DOCK1: variants seen among roughly 807,000 people sequenced by gnomAD.
The protein encoded by DOCK1 is dedicator of cytokinesis 1.
DOCK1 carries 138 observed loss-of-function variants against 262.7 expected under a neutral mutation model. That is an observed-to-expected ratio of 0.53 (90% CI 0.46 to 0.61). The LOEUF (loss-of-function observed/expected upper bound fraction) is 0.61. Among genes scored for constraint, DOCK1 ranks in the 20% least tolerant of loss-of-function variants. The probability of loss-of-function intolerance (pLI) is 0.00; values close to 1 mark genes in which losing one functional copy is unlikely to be tolerated. For missense variants in DOCK1, 1,908 were observed against 2,370.7 expected (o/e 0.80, Z 4.05); for synonymous variants, 866 against 867.4 (o/e 1.00, Z 0.03).
chr10:126,906,715 T>G (rs1363867613), intron 1 of DOCK1, among the ~76,000 whole-genome samples: 1 of 152,208 alleles, frequency 6.6e-6, no homozygotes, highest in Admixed American at 6.5e-5. Context: ...GTTCGAATCC[T>G]GGCTCTCTGA....
intron 23 of DOCK1, 26 bp downstream of exon 23, chr10:127,061,802 G>C: frequency 6.5e-7 from 1 of 1,529,712 alleles, no homozygotes; most frequent in East Asian, 2.4e-5. Context: ...TGCCAAGGCA[G>C]ACTTCTCCTT....
intron 27 of DOCK1, among the ~76,000 whole-genome samples, chr10:127,202,394 G>A (rs1021326526): frequency 3.9e-5 from 6 of 151,950 alleles, no homozygotes; most frequent in African/African-American, 1.2e-4. Context: ...ACCCACCAGC[G>A]CTGTGTGCTG....
chr10:127,016,492 G>C (rs12412943), intron 12 of DOCK1: 1 of 152,076 alleles, frequency 6.6e-6, no homozygotes, highest in African/African-American at 2.4e-5. Context: ...CACCGCTGTC[G>C]GTTACCTCCC....
chr10:127,312,243 C>T (rs2062089324), intron 29 of DOCK1, among the ~76,000 whole-genome samples: 2 of 152,256 alleles, frequency 1.3e-5, no homozygotes, highest in South Asian at 4.1e-4. Flanking sequence ...GTATCCCAGC[C>T]AGCACTCTTG....
At chr10:127,363,762 G>A (rs1451326931) in intron 33 of DOCK1, among the ~76,000 whole-genome samples, 3 of 152,168 alleles carry the variant, frequency 2.0e-5, no homozygotes, top group Non-Finnish European at 4.4e-5. Context: ...GAATGATTTT[G>A]CTGTTTCCTA....
At chr10:127,059,729 T>C (rs1031926258) in intron 22 of DOCK1, among the ~76,000 whole-genome samples, 11 of 152,202 alleles carry the variant, frequency 7.2e-5, no homozygotes, top group Non-Finnish European at 1.2e-4. Flanking sequence ...TTCTCAAATA[T>C]GATTATAGTT....
intron 26 of DOCK1, among the ~76,000 whole-genome samples, chr10:127,125,916 C>CA (rs1418528346): frequency 1.3e-5 from 2 of 152,004 alleles, no homozygotes; most frequent in African/African-American, 2.4e-5. Context: ...TAATTATCTG[C>CA]ATTCTTTCTT....
chr10:127,386,948 C>T (rs946102857), intron 38 of DOCK1, among the ~76,000 whole-genome samples: 7 of 152,198 alleles, frequency 4.6e-5, no homozygotes, highest in Non-Finnish European at 8.8e-5. Flanking sequence ...TGTTTCTCAG[C>T]AAACTGGTAA....
intron 11 of DOCK1, among the ~76,000 whole-genome samples, chr10:127,009,005 C>G (rs2041234371): frequency 6.6e-6 from 1 of 152,088 alleles, no homozygotes; most frequent in Non-Finnish European, 1.5e-5. Flanking sequence ...GTTTATGGTC[C>G]TGGAAGTAGG....
chr10:127,006,255 CCTCCTGCCTTCTGCT>C (rs2041011715), intron 10 of DOCK1, among the ~76,000 whole-genome samples: 1 of 152,228 alleles, frequency 6.6e-6, no homozygotes, highest in African/African-American at 2.4e-5. Context: ...ACGTTTCTCA[CCTCCTGCCTTCTGCT>C]CTCCTGCCTG....
At chr10:127,053,255 G>T (rs552113844) in intron 22 of DOCK1, among the ~76,000 whole-genome samples, 5 of 152,214 alleles carry the variant, frequency 3.3e-5, no homozygotes, top group East Asian at 1.9e-4. Context: ...GGCAGGAGAA[G>T]GGCGTGAACC....
In DOCK1 at chr10:127,282,248, T is replaced by TTC. The variant is rs146601755; in HGVS notation, c.3044+24837_3044+24838dup. ...CTCTCTCTCTCTCTGTCTGTCTCTTTTCTCTCTCTCTCTCTCTCTGTCTCT... is the reference window on the plus strand; with the variant it reads ...CTCTCTCTCTCTCTGTCTGTCTCTTTTCTCTCTCTCTCTCTCTCTCTGTCTCT... On this transcript the variant is annotated intron_variant, in intron 29 of 51. Coordinates refer to ENST00000623213, the MANE Select transcript of DOCK1 (RefSeq NM_001290223.2). 4.8e-4 allele frequency among the ~76,000 whole-genome samples: 71 copies of TTC among 149,298 alleles called. 1 individual carries two copies. The highest frequency in any genetic ancestry group is 3.5e-3 in the Middle Eastern group (1 of 284).
intron 27 of DOCK1, among the ~76,000 whole-genome samples, chr10:127,131,273 C>T (rs1373672269): frequency 6.6e-6 from 1 of 152,122 alleles, no homozygotes; most frequent in African/African-American, 2.4e-5. Flanking sequence ...AACCATCCTC[C>T]ACAGCCCTGA....
chr10:127,331,921 A>T (rs1203704359), intron 29 of DOCK1, among the ~76,000 whole-genome samples: 1 of 152,220 alleles, frequency 6.6e-6, no homozygotes, highest in Non-Finnish European at 1.5e-5. Flanking sequence ...TGTGAAAGCA[A>T]TGACAGTGTC....
intron 29 of DOCK1, among the ~76,000 whole-genome samples, chr10:127,298,767 T>A (rs1198591772): frequency 1.3e-5 from 2 of 152,228 alleles, no homozygotes; most frequent in African/African-American, 4.8e-5. Context: ...AGTTAGCAGA[T>A]CATCTTTTTT....
intron 23 of DOCK1, among the ~76,000 whole-genome samples, chr10:127,068,829 G>A (rs1211580696): frequency 2.0e-5 from 3 of 152,050 alleles, no homozygotes; most frequent in Non-Finnish European, 4.4e-5. Flanking sequence ...TTACAGTGTT[G>A]CATTTTTCTG....
chr10:127,144,955 T>TA (rs1471051690), intron 27 of DOCK1, among the ~76,000 whole-genome samples: 1 of 151,192 alleles, frequency 6.6e-6, no homozygotes, highest in African/African-American at 2.5e-5. Context: ...ATAGTTTTTT[T>TA]AAAAAAGCAT....
rs1256673887 is a variant in DOCK1 at position 127,431,035 on chromosome 10, G to A, written c.4915-2248G>A. ...CATCATTTCATTTAGTTCTAATGCT[G>A]GCCCTCTGGGCAGGGAAGACTGCTC... On this transcript the variant is annotated intron_variant, in intron 47 of 51. Transcript: ENST00000623213. 2.0e-5 allele frequency among the ~76,000 whole-genome samples: 3 copies of A among 152,156 alleles called. No homozygotes were observed. The East Asian group carries it at 5.8e-4, about 29-fold the overall frequency.
intron 29 of DOCK1, among the ~76,000 whole-genome samples, chr10:127,313,507 T>G (rs2062143256): frequency 6.6e-6 from 1 of 152,218 alleles, no homozygotes; most frequent in South Asian, 2.1e-4. Context: ...AAATGTTTCC[T>G]CCTTGGGTCA....
Sources: gnomAD v4.1 joint callset for allele counts (sites outside exome capture counted in the v4.1 genomes callset) on GRCh38, gnomAD v4.1.1 for gene constraint, MANE v1.5 for transcripts, NCBI Gene and HGNC (gene_info 2026-07-23, HGNC 2026-07-21) for gene names.